The following NRXN3 variants were observed in gnomAD, a reference collection of about 807,000 sequenced individuals.
NRXN3 encodes neurexin III.
In NRXN3, 32 loss-of-function variants were observed where a neutral mutation model predicts 137.6. The observed-to-expected ratio is 0.23, with a 90% CI of 0.18 to 0.31. The LOEUF (loss-of-function observed/expected upper bound fraction) is 0.31, where lower values mean the gene tolerates loss of function less well. NRXN3 is among the 10% of genes least tolerant of loss of function. The probability of loss-of-function intolerance (pLI) is 1.00; values close to 1 mark genes in which losing one functional copy is unlikely to be tolerated. For synonymous variants in NRXN3, 798 were observed against 784.5 expected (o/e 1.02, Z -0.29); for missense variants, 1,574 against 2,062.5 (o/e 0.76, Z 4.59).
At chr14:79,437,722 GC>G (rs770939433) in intron 15 of NRXN3, among the ~76,000 whole-genome samples, 12 of 152,164 alleles carry the variant, frequency 7.9e-5, no homozygotes, top group Non-Finnish European at 1.8e-4. Context: ...TGTAGCTTTT[GC>G]TGGCAGCTGA....
chr14:79,194,733 G>C lies in NRXN3; in HGVS notation c.3262+206592G>C, dbSNP rs558568000. On this transcript the variant is annotated intron_variant, in intron 15 of 20. Transcript: ENST00000335750. ...CACAAGAGACAAATGAAATGTGTGT[G>C]TATAAACCTGGCTTTGGTTTTCAGA... Among the ~76,000 whole-genome samples the C allele has an allele frequency of 1.2e-4, 18 of 152,240 alleles. No homozygotes were observed. The South Asian group carries it at 3.7e-3, about 32-fold the overall frequency.
intron 10 of NRXN3, among the ~76,000 whole-genome samples, chr14:78,825,761 G>C (rs2098964857): frequency 6.6e-6 from 1 of 152,230 alleles, no homozygotes; most frequent in Non-Finnish European, 1.5e-5. Flanking sequence ...GAAGGTGAAT[G>C]TACCCAAGAT....
rs1191013928 is a variant in NRXN3, at chr14:79,864,529, G to A, written c.*2565G>A. ...CGAGTAAGAGCTAGACCACTTTCATGTGATAGAAGATATTCTAAGCAGTTA... is the reference window on the plus strand; with the variant it reads ...CGAGTAAGAGCTAGACCACTTTCATATGATAGAAGATATTCTAAGCAGTTA... On this transcript the variant is annotated 3_prime_UTR_variant, in exon 21 of 21. Coordinates refer to ENST00000335750, the MANE Select transcript of NRXN3 (RefSeq NM_001330195.2). 1 of 152,516 alleles carries A rather than the reference G, an allele frequency of 6.6e-6. No homozygotes were observed. Among genetic ancestry groups the A allele is most frequent in the African/African-American group, 2.4e-5 (1 of 41,416 alleles). 9.4% of individuals were successfully genotyped at this position (152,516 alleles called of 1,614,324 possible). A position where few individuals can be genotyped will look rare whatever the true frequency, so the allele number is the denominator to read the frequency against.
chr14:78,402,554 G>T (rs568874038), intron 4 of NRXN3, among the ~76,000 whole-genome samples: 1 of 152,252 alleles, frequency 6.6e-6, no homozygotes, highest in African/African-American at 2.4e-5. Context: ...GAGTAAAGTG[G>T]AATCACACAT....
intron 1 of NRXN3, among the ~76,000 whole-genome samples, chr14:78,226,947 T>A (rs2064750667): frequency 6.6e-6 from 1 of 152,246 alleles, no homozygotes; most frequent in African/African-American, 2.4e-5. Context: ...GTGGGCCCAT[T>A]GTGTGCCATC....
At chr14:78,486,408 GT>G (rs1428103861) in intron 4 of NRXN3, among the ~76,000 whole-genome samples, 2 of 152,182 alleles carry the variant, frequency 1.3e-5, no homozygotes, top group Non-Finnish European at 2.9e-5. Flanking sequence ...TATAGTCCAG[GT>G]ATGTGTGCAC....
At position 78,614,787 on chromosome 14, in the gene NRXN3, C is replaced by G. The variant is rs75612865; in HGVS notation, c.758-30333C>G. 5.3e-3 allele frequency: 1,819 copies of G among 341,396 alleles called. 37 individuals are homozygous for G. Among genetic ancestry groups the G allele is most frequent in the African/African-American group, 0.037 (1,710 of 46,792 alleles). 21.1% of individuals were successfully genotyped at this position (341,396 alleles called of 1,614,324 possible). A position where few individuals can be genotyped will look rare whatever the true frequency, so the allele number is the denominator to read the frequency against. ...ATGGCAATTTTCTGGGTCAATTGTG[C>G]CCAAGGCACTCCCTACAGCAAATTA... On this transcript the variant is annotated intron_variant, in intron 4 of 20. Transcript: ENST00000335750.
At chr14:78,395,093 C>T (rs1480298231) in intron 4 of NRXN3, among the ~76,000 whole-genome samples, 2 of 151,486 alleles carry the variant, frequency 1.3e-5, no homozygotes, top group East Asian at 1.9e-4. Context: ...CTTCCATTTA[C>T]TTTGGATTTA....
At chr14:79,171,983 C>G (rs1010878986) in intron 15 of NRXN3, among the ~76,000 whole-genome samples, 12 of 152,034 alleles carry the variant, frequency 7.9e-5, no homozygotes, top group Middle Eastern at 3.4e-3. Flanking sequence ...TATCTTGCAA[C>G]AGTACTAAAA....
intron 10 of NRXN3, among the ~76,000 whole-genome samples, chr14:78,862,835 T>C (rs557011137): frequency 6.6e-6 from 1 of 152,138 alleles, no homozygotes; most frequent in Non-Finnish European, 1.5e-5. Context: ...CAGATGAGAG[T>C]GGCATTGATA....
At position 79,256,193 on chromosome 14, in the gene NRXN3, A is replaced by T. The variant is rs149178011; in HGVS notation, c.3263-211028A>T. Among the ~76,000 whole-genome samples the T allele has an allele frequency of 9.0e-3, 1,302 of 143,918 alleles. 19 individuals are homozygous for T. The highest frequency in any genetic ancestry group is 0.044 in the Admixed American group (642 of 14,726). 94.4% of individuals were successfully genotyped at this position (143,918 alleles called of 152,430 possible). ...CTCTGTCTCTCTCTCTCTCTCTCTCACACACACACACACCCCCCAGAAGAG... is the reference window on the plus strand; with the variant it reads ...CTCTGTCTCTCTCTCTCTCTCTCTCTCACACACACACACCCCCCAGAAGAG... On this transcript the variant is annotated intron_variant, in intron 15 of 20. Coordinates refer to ENST00000335750, the MANE Select transcript of NRXN3 (RefSeq NM_001330195.2).
intron 4 of NRXN3, among the ~76,000 whole-genome samples, chr14:78,404,376 T>G (rs2092344269): frequency 6.6e-6 from 1 of 152,092 alleles, no homozygotes. Flanking sequence ...TCAGAACTTG[T>G]GTGATTCAGG....
chr14:78,590,466 A>T lies in NRXN3; in HGVS notation c.758-54654A>T, dbSNP rs367650735. On this transcript the variant is annotated intron_variant, in intron 4 of 20. Transcript: ENST00000335750. ...TTGGACATAAAAACTTTTTTTTTTC[A>T]TAAGCAGTGGAGGCTTGGGGTCAAA... Among the ~76,000 whole-genome samples, 152 of 152,044 alleles carry T rather than the reference A, an allele frequency of 1.0e-3. 5 individuals are homozygous for T. The South Asian group carries it at 0.03, about 30-fold the overall frequency.
chr14:79,385,214 C>CG (rs925697031), intron 15 of NRXN3, among the ~76,000 whole-genome samples: 5 of 124,450 alleles, frequency 4.0e-5, no homozygotes, highest in African/African-American at 5.6e-5. Context: ...TCCCCCCGCC[C>CG]CCACCCCACC....
intron 4 of NRXN3, among the ~76,000 whole-genome samples, chr14:78,428,872 T>A (rs1341704996): frequency 2.0e-5 from 3 of 152,158 alleles, no homozygotes; most frequent in African/African-American, 4.8e-5. Flanking sequence ...CAAATTTAAC[T>A]GTTAATCTCA....
At chr14:79,837,366 CTTAG>C (rs2099346309) in intron 20 of NRXN3, among the ~76,000 whole-genome samples, 1 of 152,006 alleles carries the variant, frequency 6.6e-6, no homozygotes, top group African/African-American at 2.4e-5. Context: ...GACTAAGTCA[CTTAG>C]TTGAGTTAAC....
intron 1 of NRXN3, among the ~76,000 whole-genome samples, chr14:78,176,934 A>T (rs2059325953): frequency 6.6e-6 from 1 of 151,950 alleles, no homozygotes; most frequent in Non-Finnish European, 1.5e-5. Context: ...GGCTCGAAGA[A>T]GACTGGTGGG....
At chr14:78,593,622 T>A (rs1054939287) in intron 4 of NRXN3, among the ~76,000 whole-genome samples, 1 of 152,176 alleles carries the variant, frequency 6.6e-6, no homozygotes, top group Non-Finnish European at 1.5e-5. Context: ...AATACTTGTC[T>A]TCACTCTTCT....
intron 6 of NRXN3, among the ~76,000 whole-genome samples, chr14:78,675,352 A>G (rs1034334695): frequency 6.6e-6 from 1 of 152,220 alleles, no homozygotes; most frequent in Non-Finnish European, 1.5e-5. Context: ...CTAAACATAA[A>G]GAAATACCTG....
Sources: gnomAD v4.1 joint callset for allele counts (sites outside exome capture counted in the v4.1 genomes callset) on GRCh38, gnomAD v4.1.1 for gene constraint, MANE v1.5 for transcripts, NCBI Gene and HGNC (gene_info 2026-07-23, HGNC 2026-07-21) for gene names.